The following KIF21A variants were observed in gnomAD, a reference collection of about 807,000 sequenced individuals.
KIF21A encodes the protein kinesin family member 21A, also known as kinesin-like protein KIF21A.
A neutral mutation model predicts 202.9 loss-of-function variants in KIF21A; 114 were observed. The ratio of observed to expected loss-of-function variants is 0.56; its 90% confidence interval spans 0.48 to 0.66. The LOEUF (loss-of-function observed/expected upper bound fraction) is 0.66. KIF21A is among the 30% of genes least tolerant of loss of function. KIF21A has a pLI of 0.00. For synonymous variants in KIF21A, 667 were observed against 670.8 expected (o/e 0.99, Z 0.09); for missense variants, 1,677 against 1,994.9 (o/e 0.84, Z 3.04).
intron 34 of KIF21A, among the ~76,000 whole-genome samples, chr12:39,305,673 A>G (rs534866936): frequency 1.3e-5 from 2 of 152,310 alleles, no homozygotes; most frequent in South Asian, 4.1e-4. Flanking sequence ...GGTAAGCAAA[A>G]AAGCAGCAGA....
At chr12:39,333,463 AC>A (rs1382288907) in intron 17 of KIF21A, among the ~76,000 whole-genome samples, 183 bp from the exon 18 acceptor site, 1 of 152,210 alleles carries the variant, frequency 6.6e-6, no homozygotes, top group Non-Finnish European at 1.5e-5. Context: ...ACAAATAAAT[AC>A]AGATATACCC....
chr12:39,382,791 A>C (rs182498880), intron 1 of KIF21A, among the ~76,000 whole-genome samples: 86 of 152,294 alleles, frequency 5.6e-4, no homozygotes, highest in African/African-American at 2.0e-3. Flanking sequence ...TATTTTCCTA[A>C]ATGCACACAA....
At chr12:39,436,835 G>A (rs1718969068) in intron 1 of KIF21A, among the ~76,000 whole-genome samples, 1 of 152,036 alleles carries the variant, frequency 6.6e-6, no homozygotes, top group Non-Finnish European at 1.5e-5. Context: ...AAACCAAGTT[G>A]AATCCACAAA....
chr12:39,430,488 C>T (rs1937719968), intron 1 of KIF21A, among the ~76,000 whole-genome samples: 1 of 151,624 alleles, frequency 6.6e-6, no homozygotes, highest in African/African-American at 2.4e-5. Context: ...ATCACTTGGA[C>T]CTGGGAGTCA....
chr12:39,392,716 C>T (rs1050827357), intron 1 of KIF21A, among the ~76,000 whole-genome samples: 1 of 151,142 alleles, frequency 6.6e-6, no homozygotes, highest in Non-Finnish European at 1.5e-5. Flanking sequence ...CAGCACTGTG[C>T]ACTCATATGT....
chr12:39,331,827 T>A (rs754940581), intron 21 of KIF21A, 36 bp from the exon 22 acceptor site: 2 of 1,480,934 alleles, frequency 1.4e-6, no homozygotes. Flanking sequence ...GACCATTACT[T>A]TGAGCTGAAA....
At chr12:39,358,961 G>A (rs1393369434) in intron 7 of KIF21A, among the ~76,000 whole-genome samples, 1 of 152,142 alleles carries the variant, frequency 6.6e-6, no homozygotes, top group African/African-American at 2.4e-5. Flanking sequence ...TTTAGCCACC[G>A]AAGATTAGGA....
At chr12:39,323,249 G>A (rs1054049043) in intron 26 of KIF21A, among the ~76,000 whole-genome samples, 2 of 152,034 alleles carry the variant, frequency 1.3e-5, no homozygotes, top group African/African-American at 4.8e-5. Context: ...CCAGATTCAA[G>A]GCCAGGCTGT....
In KIF21A at chr12:39,333,208, G is replaced by A. The variant is rs775156336; in HGVS notation, c.2487+4C>T. The A allele has an allele frequency of 1.4e-5, 23 of 1,613,064 alleles. No individual in the cohort carries two copies. Among genetic ancestry groups the A allele is most frequent in the Non-Finnish European group, 1.5e-5 (18 of 1,179,190 alleles). Reference sequence around the variant, plus strand: ...CTTCCAAATGGTCAGCTTGCTTACTGTACCTCTTCAGTTTTGCGACGTAGA... The same window carrying A: ...CTTCCAAATGGTCAGCTTGCTTACTATACCTCTTCAGTTTTGCGACGTAGA... On this transcript the variant is annotated splice_donor_region_variant and intron_variant, in intron 18 of 37. Coordinates refer to ENST00000361418, the MANE Select transcript of KIF21A (RefSeq NM_001173464.2).
At chr12:39,416,715 G>GTGTA (rs1555198320) in intron 1 of KIF21A, among the ~76,000 whole-genome samples, 2 of 74,312 alleles carry the variant, frequency 2.7e-5, no homozygotes, top group African/African-American at 7.3e-5. Flanking sequence ...ATATATGTGT[G>GTGTA]TATATATGTA....
At position 39,370,687 on chromosome 12, in the gene KIF21A, C is replaced by G. The variant is rs11833875; in HGVS notation, c.45-426G>C. Among the ~76,000 whole-genome samples the G allele has an allele frequency of 5.8e-3, 877 of 152,074 alleles. 9 individuals carry two copies. The highest frequency in any genetic ancestry group is 0.02 in the African/African-American group (842 of 41,508). ...TAAAAAAGCAAGGACATTTATTTATCTTAATGTCTTGACGCCCTTGACTCG... is the reference window on the plus strand; with the variant it reads ...TAAAAAAGCAAGGACATTTATTTATGTTAATGTCTTGACGCCCTTGACTCG... On this transcript the variant is annotated intron_variant, in intron 1 of 37. Transcript: ENST00000361418.
At position 39,331,682 on chromosome 12, in the gene KIF21A, T is replaced by C. The variant is rs1946518982; in HGVS notation, c.3153+8A>G. 4 of 1,574,724 alleles carry C rather than the reference T, an allele frequency of 2.5e-6. No homozygotes were observed. The highest frequency in any genetic ancestry group is 3.5e-6 in the Non-Finnish European group (4 of 1,144,130). ...TAGATTTTCAGTAACAGTGTGGTTG[T>C]ATCTTACCTTATTGATGCCCATTGA... On this transcript the variant is annotated splice_region_variant and intron_variant, in intron 22 of 37. Transcript: ENST00000361418.
chr12:39,367,915 C>G lies in KIF21A; in HGVS notation c.568G>C (p.Val190Leu). 6.2e-7 allele frequency: 1 copy of G among 1,609,416 alleles called. No individual in the cohort carries two copies. Among genetic ancestry groups the G allele is most frequent in the Non-Finnish European group, 8.5e-7 (1 of 1,176,126 alleles). Residue 190 changes from valine to leucine, a missense_variant, in exon 4 of 38, where the codon GTT becomes CTT. By Grantham distance (32) the Val-to-Leu change is conservative (BLOSUM62 1). This residue lies in a region of KIF21A where 966 missense variants were observed against 1,180.9 expected (regional missense o/e 0.82). Transcript: ENST00000361418. ...TCTGTATTCACAGTACGTGTTGTAA[C>G]GCCCACAGTATAAATTCCTCCAGTT... ...DSTGGIYTVG[V>L]TTRTVNTESE... is the part of the protein sequence containing the mutation.
intron 16 of KIF21A, among the ~76,000 whole-genome samples, chr12:39,339,048 G>A (rs534110594): frequency 1.3e-5 from 2 of 152,246 alleles, no homozygotes; most frequent in Non-Finnish European, 2.9e-5. Context: ...GGAGGTCGAG[G>A]TTAGTGGATC....
intron 10 of KIF21A, among the ~76,000 whole-genome samples, chr12:39,353,041 C>T (rs1380858080): frequency 2.0e-5 from 3 of 152,106 alleles, no homozygotes; most frequent in African/African-American, 7.2e-5. Flanking sequence ...GAAAACACAA[C>T]CTATCTCTCT....
chr12:39,336,031 A>G (rs973956572), intron 17 of KIF21A, among the ~76,000 whole-genome samples: 1 of 152,196 alleles, frequency 6.6e-6, no homozygotes, highest in Non-Finnish European at 1.5e-5. Flanking sequence ...AAAGTTCAGC[A>G]AGTAAAAAGG....
chr12:39,426,387 T>C (rs1004754795), intron 1 of KIF21A, among the ~76,000 whole-genome samples: 9 of 152,176 alleles, frequency 5.9e-5, no homozygotes, highest in Non-Finnish European at 1.2e-4. Context: ...CAATAAATAT[T>C]TGCATTTAAC....
intron 36 of KIF21A, 79 bp downstream of exon 36, chr12:39,302,886 G>A: frequency 8.4e-7 from 1 of 1,185,972 alleles, no homozygotes; most frequent in Non-Finnish European, 1.3e-6. Context: ...AATCTACATA[G>A]AAGCTCTTCA....
chr12:39,322,372 G>A (rs528383233), intron 27 of KIF21A: 1 of 247,230 alleles, frequency 4.0e-6, no homozygotes. Flanking sequence ...TTTAATTTAG[G>A]TATTTCTATA....
Sources: allele counts gnomAD v4.1 joint callset (sites outside exome capture counted in the v4.1 genomes callset), GRCh38; gene constraint gnomAD v4.1.1; regional missense constraint gnomAD v4.1.1; transcripts MANE v1.5; gene names NCBI Gene and HGNC (gene_info 2026-07-23, HGNC 2026-07-21).